The following OPCML variants were observed in gnomAD, a reference collection of about 807,000 sequenced individuals.
OPCML encodes opioid-binding protein/cell adhesion molecule.
OPCML carries 13 observed loss-of-function variants against 37.8 expected under a neutral mutation model. The ratio of observed to expected loss-of-function variants is 0.34; its 90% CI spans 0.22 to 0.55. OPCML has a LOEUF of 0.55. Among genes scored for constraint, OPCML ranks in the 20% least tolerant of loss-of-function variants. The probability of loss-of-function intolerance (pLI) is 0.91; values close to 1 mark genes in which losing one functional copy is unlikely to be tolerated. For missense variants in OPCML, 341 were observed against 435.6 expected, an observed-to-expected ratio of 0.78 and a Z score of 1.93; for synonymous variants, 176 against 168.8, an observed-to-expected ratio of 1.04 and a Z score of -0.33.
intron 1 of OPCML, among the ~76,000 whole-genome samples, chr11:133,406,997 T>C (rs1038000402): frequency 6.6e-5 from 10 of 152,198 alleles, no homozygotes; most frequent in African/African-American, 2.2e-4. Flanking sequence ...TTCCCAAACC[T>C]CCTATTCAGT....
chr11:132,703,926 G>A (rs1943932371), intron 2 of OPCML, among the ~76,000 whole-genome samples: 1 of 152,192 alleles, frequency 6.6e-6, no homozygotes, highest in Admixed American at 6.5e-5. Context: ...TTCTATGAAG[G>A]TGACTTGGTA....
rs564686876 is a variant in OPCML at position 133,116,966 on chromosome 11, T to C, written c.62-173956A>G. ...TCTACATTGTTAGTTGGAATTATACTGTAGAAGATATTTTTTCCTTTTATT... is the reference window on the plus strand; with the variant it reads ...TCTACATTGTTAGTTGGAATTATACCGTAGAAGATATTTTTTCCTTTTATT... On this transcript the variant is annotated intron_variant, in intron 1 of 7. Transcript: ENST00000524381. Among the ~76,000 whole-genome samples the C allele has an allele frequency of 3.3e-5, 5 of 152,278 alleles. No homozygotes were observed. In the South Asian group the frequency reaches 1.0e-3, roughly 32 times the overall value.
intron 1 of OPCML, among the ~76,000 whole-genome samples, chr11:132,953,833 G>T (rs968213082): frequency 3.3e-5 from 5 of 152,140 alleles, no homozygotes; most frequent in African/African-American, 1.2e-4. Context: ...CTCCTTGGTT[G>T]CATGGGAAAA....
At chr11:133,461,633 A>T (rs1035841537) in intron 1 of OPCML, among the ~76,000 whole-genome samples, 1 of 151,896 alleles carries the variant, frequency 6.6e-6, no homozygotes, top group Non-Finnish European at 1.5e-5. Flanking sequence ...TTCCTGAAAA[A>T]TTTTAAGAAA....
At chr11:133,129,026 C>CA (rs1236211825) in intron 1 of OPCML, among the ~76,000 whole-genome samples, 1 of 152,112 alleles carries the variant, frequency 6.6e-6, no homozygotes, top group African/African-American at 2.4e-5. Context: ...AGCTGGAAAA[C>CA]AAAGTAAACC....
chr11:133,142,433 C>G (rs1373031137), intron 1 of OPCML, among the ~76,000 whole-genome samples: 4 of 152,210 alleles, frequency 2.6e-5, no homozygotes, highest in Admixed American at 6.5e-5. Context: ...AAACTCTGCT[C>G]AAGACATTGC....
intron 1 of OPCML, among the ~76,000 whole-genome samples, chr11:133,244,492 G>A (rs903262963): frequency 1.3e-5 from 2 of 152,088 alleles, no homozygotes; most frequent in African/African-American, 4.8e-5. Flanking sequence ...GGTAAGTCCT[G>A]GAATACACAT....
chr11:133,130,801 A>C (rs906176172), intron 1 of OPCML, among the ~76,000 whole-genome samples: 1 of 152,162 alleles, frequency 6.6e-6, no homozygotes, highest in African/African-American at 2.4e-5. Context: ...ATAGTCAACT[A>C]AATTTTGACA....
intron 3 of OPCML, among the ~76,000 whole-genome samples, chr11:132,577,091 C>A (rs1031947644): frequency 2.0e-5 from 3 of 152,170 alleles, no homozygotes; most frequent in African/African-American, 7.2e-5. Context: ...TGTCCTGAAT[C>A]CCCCTTACAG....
chr11:132,634,315 G>A (rs1157868799), intron 3 of OPCML, among the ~76,000 whole-genome samples: 3 of 152,202 alleles, frequency 2.0e-5, no homozygotes, highest in Non-Finnish European at 4.4e-5. Flanking sequence ...GAGTATGTAA[G>A]CAACAATGTC....
At chr11:132,429,681 T>C (rs2095989825) in intron 7 of OPCML, among the ~76,000 whole-genome samples, 1 of 152,180 alleles carries the variant, frequency 6.6e-6, no homozygotes, top group South Asian at 2.1e-4. Context: ...TCAGAGGCCA[T>C]CAATCTTCAG....
At chr11:132,988,905 G>T (rs925683203) in intron 1 of OPCML, among the ~76,000 whole-genome samples, 3 of 152,054 alleles carry the variant, frequency 2.0e-5, no homozygotes, top group African/African-American at 7.2e-5. Context: ...CAAAAAATGG[G>T]CAAAATAAAT....
chr11:133,530,047 G>A (rs984990748), intron 1 of OPCML, among the ~76,000 whole-genome samples: 11 of 152,230 alleles, frequency 7.2e-5, no homozygotes, highest in African/African-American at 2.7e-4. Flanking sequence ...AAGAGGGCAT[G>A]TTGCAGTGAT....
At chr11:132,985,318 C>T (rs1946665891) in intron 1 of OPCML, among the ~76,000 whole-genome samples, 1 of 152,178 alleles carries the variant, frequency 6.6e-6, no homozygotes, top group Non-Finnish European at 1.5e-5. Flanking sequence ...TCAGAGTCCT[C>T]TTCTAAGCTT....
chr11:132,648,697 T>C (rs1278633686), intron 3 of OPCML, among the ~76,000 whole-genome samples: 2 of 152,076 alleles, frequency 1.3e-5, no homozygotes, highest in Non-Finnish European at 2.9e-5. Flanking sequence ...AAAATCATCA[T>C]CAAACCAGGT....
chr11:132,685,582 GA>G (rs1277016476), intron 2 of OPCML, among the ~76,000 whole-genome samples: 1 of 152,172 alleles, frequency 6.6e-6, no homozygotes, highest in Admixed American at 6.5e-5. Flanking sequence ...CTTTGGGAAG[GA>G]AACAGTAATT....
intron 4 of OPCML, among the ~76,000 whole-genome samples, chr11:132,478,265 CA>C (rs2096164426): frequency 1.3e-5 from 2 of 152,244 alleles, no homozygotes; most frequent in South Asian, 4.1e-4. Flanking sequence ...CTCAATTTTT[CA>C]AGCTTAAAAT....
At chr11:132,815,903 G>T (rs552221344) in intron 2 of OPCML, among the ~76,000 whole-genome samples, 1 of 152,340 alleles carries the variant, frequency 6.6e-6, no homozygotes, top group Admixed American at 6.5e-5. Context: ...GCAAAGCAGA[G>T]ATGTGCACAA....
chr11:132,843,171 C>T (rs1324808197), intron 2 of OPCML, among the ~76,000 whole-genome samples: 2 of 150,396 alleles, frequency 1.3e-5, no homozygotes, highest in Non-Finnish European at 3.0e-5. Context: ...CTAGGCTCAC[C>T]GCAACCTCTG....
Sources: allele counts gnomAD v4.1 joint callset (sites outside exome capture counted in the v4.1 genomes callset), GRCh38; gene constraint gnomAD v4.1.1; transcripts MANE v1.5; gene names NCBI Gene and HGNC (gene_info 2026-07-23, HGNC 2026-07-21).